Variants in TGIF1 observed in about 807,000 individuals in gnomAD.
TGIF1 encodes the protein TGFB induced factor homeobox 1.
A neutral mutation model predicts 19.3 loss-of-function variants in TGIF1; 4 were observed. That is an observed-to-expected ratio of 0.21 (90% CI 0.10 to 0.47). The LOEUF is 0.47. Among genes scored for constraint, TGIF1 ranks in the 20% least tolerant of loss-of-function variants. TGIF1 has a pLI of 0.98. For missense variants in TGIF1, 275 were observed against 341.4 expected (o/e 0.81, Z 1.53); for synonymous variants, 122 against 129.3 (o/e 0.94, Z 0.38).
At chr18:3,418,651 C>T (rs1437593902) in intron 2 of TGIF1, 3 of 152,144 alleles carry the variant, frequency 2.0e-5, no homozygotes, top group African/African-American at 7.2e-5. Flanking sequence ...CATGGAAACC[C>T]AGGGCCAACT....
rs775761313 is a variant in TGIF1, at chr18:3,451,967, CTG to C, written c.16+1466_16+1467del. 21 of 1,570,560 alleles carry C rather than the reference CTG, an allele frequency of 1.3e-5. No homozygotes were observed. Among genetic ancestry groups the C allele is most frequent in the East Asian group, 2.2e-5 (1 of 44,496 alleles). The stretch of plus-strand genomic sequence containing the variant: ...GCCTCCCGGGAATAAGTGAGGGGCT[CTG>C]TGTTTCGAGGATGGTTCTAGCGCAG... On this transcript the variant is annotated intron_variant, in intron 1 of 2. Transcript: ENST00000343820. The surrounding 1 kb of genome is among the most constrained non-coding windows in gnomAD (Gnocchi z 5.4).
upstream of TGIF1, chr18:3,449,538 T>TACCCCCCCC: frequency 3.1e-6 from 3 of 961,938 alleles, no homozygotes; most frequent in Non-Finnish European, 3.7e-6. Context: ...GTCTCATCAT[T>TACCCCCCCC]CCCCCCCGCC....
chr18:3,417,137 T>G (rs972445433), intron 1 of TGIF1, among the ~76,000 whole-genome samples: 1 of 151,950 alleles, frequency 6.6e-6, no homozygotes, highest in African/African-American at 2.4e-5. Flanking sequence ...AAGGTTTTAT[T>G]TGTTTTTTGT....
intron 1 of TGIF1, among the ~76,000 whole-genome samples, chr18:3,417,083 C>T (rs1221643010): frequency 6.6e-5 from 10 of 151,966 alleles, no homozygotes; most frequent in Admixed American, 1.3e-4. Flanking sequence ...TATTTAAATA[C>T]TATTTATAGT....
chr18:3,450,642 G>C, intron 1 of TGIF1, 137 bp downstream of exon 1: 15 of 1,513,254 alleles, frequency 9.9e-6, no homozygotes, highest in Non-Finnish European at 1.3e-5. Flanking sequence ...CGTGCTCTTT[G>C]TTGAGGCTGC....
intron 2 of TGIF1, among the ~76,000 whole-genome samples, chr18:3,436,017 T>C (rs2082610364): frequency 6.6e-6 from 1 of 152,202 alleles, no homozygotes; most frequent in Non-Finnish European, 1.5e-5. Context: ...CGTGAGCCAG[T>C]GCACCTGGCC....
intron 1 of TGIF1, among the ~76,000 whole-genome samples, chr18:3,416,994 T>A (rs966645369): frequency 9.2e-5 from 14 of 152,108 alleles, no homozygotes; most frequent in Admixed American, 3.3e-4. Context: ...ATACTCTTTT[T>A]AAAAAAAGAA....
chr18:3,440,797 C>G (rs1295910689), intron 2 of TGIF1, among the ~76,000 whole-genome samples: 4 of 152,152 alleles, frequency 2.6e-5, no homozygotes, highest in Admixed American at 6.6e-5. Flanking sequence ...GATGTAGGCT[C>G]CCTGAGTCAG....
chr18:3,420,393 T>A (rs906110598), intron 2 of TGIF1, among the ~76,000 whole-genome samples: 36 of 150,640 alleles, frequency 2.4e-4, no homozygotes, highest in Non-Finnish European at 3.7e-4. Flanking sequence ...AAAAAAAAAA[T>A]AATATTAATA....
chr18:3,438,767 C>T (rs765906444), intron 2 of TGIF1, among the ~76,000 whole-genome samples: 2 of 151,990 alleles, frequency 1.3e-5, no homozygotes, highest in African/African-American at 4.8e-5. Context: ...AATCAAGGCG[C>T]GTAGTCTGAC....
At chr18:3,415,541 C>T in intron 1 of TGIF1, 1 of 413,530 alleles carries the variant, frequency 2.4e-6, no homozygotes, top group Non-Finnish European at 4.9e-6. Flanking sequence ...CCTTTAGAGC[C>T]CGCAGACCAG....
Position 3,457,777 on chromosome 18 carries a change from C to T in TGIF1, c.656C>T (p.Thr219Ile). Residue 219 changes from threonine (T) to isoleucine (I), a missense_variant, in exon 3 of 3, where the codon ACT becomes ATT. By Grantham distance (89) the Thr-to-Ile change is moderately conservative. Transcript: ENST00000343820. The surrounding 1 kb of genome is among the most constrained non-coding windows in gnomAD (Gnocchi z 4.9). ...ACCTCTCTCATGTACCCAGAGGACA[C>T]TTGTAAATCTGGACCAAGTACGAAT... is the stretch of plus-strand genomic sequence containing the variant. ...TDTSLMYPED[T>I]CKSGPSTNTQ... The T allele has an allele frequency of 6.2e-7, 1 of 1,614,114 alleles. No homozygotes were observed. Among genetic ancestry groups the T allele is most frequent in the Non-Finnish European group, 8.5e-7 (1 of 1,180,034 alleles).
At chr18:3,432,658 C>T (rs1479020012) in intron 2 of TGIF1, among the ~76,000 whole-genome samples, 2 of 152,074 alleles carry the variant, frequency 1.3e-5, no homozygotes, top group Non-Finnish European at 2.9e-5. Flanking sequence ...GTGTGTGCGC[C>T]TGTGTTTGTC....
chr18:3,457,722 C>G lies in TGIF1; in HGVS notation c.601C>G (p.Gln201Glu). 6.2e-7 allele frequency: 1 copy of G among 1,614,220 alleles called. No individual in the cohort carries two copies. ...SVGVGQNTDI[Q>E]QIAAKNFTDT... ...CGGTGTGGGACAAAACACAGATATA[C>G]AGCAGATAGCGGCCAAAAACTTCAC... The change falls in exon 3 of 3, where the codon CAG (glutamine) becomes GAG (glutamate). Residue 201 changes from glutamine (Q) to glutamate (E), a missense_variant. Gln to Glu is a conservative substitution (Grantham distance 29, BLOSUM62 2). Transcript: ENST00000343820. This position sits in a 1 kb window ranked among gnomAD's most constrained non-coding sequence, Gnocchi z 4.9.
intron 2 of TGIF1, among the ~76,000 whole-genome samples, chr18:3,433,194 C>T (rs1257000562): frequency 6.6e-6 from 1 of 152,026 alleles, no homozygotes; most frequent in Non-Finnish European, 1.5e-5. Context: ...TTGCTTCAGC[C>T]TCCCAAGTAG....
At position 3,450,523 on chromosome 18, in the gene TGIF1, T is replaced by A. The variant is rs1181180588; in HGVS notation, c.16+18T>A. 2 of 1,559,480 alleles carry A rather than the reference T, an allele frequency of 1.3e-6. No homozygotes were observed. The highest frequency in any genetic ancestry group is 1.2e-5 in the South Asian group (1 of 84,614). ...CAAGAAAGGTAAGGCGGCCGCGGGC[T>A]GCGCGCACCAGAAGACGCGAGTCCG... On this transcript the variant is annotated intron_variant, in intron 1 of 2. Transcript: ENST00000343820.
At chr18:3,443,052 A>G (rs981039490) in intron 2 of TGIF1, among the ~76,000 whole-genome samples, 2 of 152,094 alleles carry the variant, frequency 1.3e-5, no homozygotes, top group Non-Finnish European at 1.5e-5. Context: ...CCTCCCAGAA[A>G]CTCCTACAGA....
intron 1 of TGIF1, among the ~76,000 whole-genome samples, chr18:3,413,988 TA>T (rs1231378093): frequency 6.6e-6 from 1 of 152,212 alleles, no homozygotes; most frequent in Non-Finnish European, 1.5e-5. Context: ...GTTATTATCC[TA>T]ATGTGTAGAT....
At chr18:3,449,640 C>T, upstream of TGIF1, 1 of 985,180 alleles carries the variant, frequency 1.0e-6, no homozygotes, top group Non-Finnish European at 1.2e-6. Context: ...CAATGGCAGC[C>T]GCGCATTCTG....
Sources: gnomAD v4.1 joint callset for allele counts (sites outside exome capture counted in the v4.1 genomes callset) on GRCh38, gnomAD v4.1.1 for gene constraint, Gnocchi (gnomAD v3.1) non-coding constraint, MANE v1.5 for transcripts, NCBI Gene and HGNC (gene_info 2026-07-23, HGNC 2026-07-21) for gene names.